Variants in SPIRE1 observed in about 807,000 individuals in gnomAD.
SPIRE1 encodes the protein protein spire homolog 1.
SPIRE1 carries 40 observed loss-of-function variants against 94.1 expected under a neutral mutation model. The observed-to-expected ratio is 0.43, with a 90% CI of 0.33 to 0.55. The LOEUF is 0.55. Ranked by LOEUF, SPIRE1 falls within the 20% of genes least tolerant of loss-of-function variation. The pLI is 0.06. For synonymous variants in SPIRE1, 376 were observed against 371.7 expected, an observed-to-expected ratio of 1.01 and a Z score of -0.13; for missense variants, 838 against 975.2, an observed-to-expected ratio of 0.86 and a Z score of 1.87.
At chr18:12,597,144 T>C (rs1360686568) in intron 2 of SPIRE1, among the ~76,000 whole-genome samples, 3 of 145,398 alleles carry the variant, frequency 2.1e-5, no homozygotes, top group Non-Finnish European at 4.5e-5. Context: ...AACTTCCCTC[T>C]AGTGTCTCTT....
chr18:12,549,130 A>G (rs1186742866), intron 2 of SPIRE1, among the ~76,000 whole-genome samples: 2 of 152,182 alleles, frequency 1.3e-5, no homozygotes, highest in Admixed American at 1.3e-4. Flanking sequence ...GCTTAGGGCA[A>G]GGATTTTAAC....
intron 1 of SPIRE1, among the ~76,000 whole-genome samples, chr18:12,651,321 C>T (rs545713839): frequency 3.9e-5 from 6 of 152,262 alleles, no homozygotes; most frequent in Non-Finnish European, 7.4e-5. Context: ...ATATTCCTTT[C>T]CTTTAATGAT....
At chr18:12,562,581 G>T (rs529633477) in intron 2 of SPIRE1, among the ~76,000 whole-genome samples, 3 of 151,818 alleles carry the variant, frequency 2.0e-5, no homozygotes, top group African/African-American at 7.2e-5. Flanking sequence ...GTAGTCTGCT[G>T]CACCCATCAA....
chr18:12,651,402 T>C (rs1383468382), intron 1 of SPIRE1, among the ~76,000 whole-genome samples: 2 of 151,956 alleles, frequency 1.3e-5, no homozygotes, highest in African/African-American at 4.8e-5. Flanking sequence ...TTTTGCTGGG[T>C]GCGGTGGCTC....
chr18:12,641,188 T>C (rs931616604), intron 1 of SPIRE1, among the ~76,000 whole-genome samples: 1 of 152,148 alleles, frequency 6.6e-6, no homozygotes, highest in Non-Finnish European at 1.5e-5. Flanking sequence ...TGACCAAAAC[T>C]GATCAACAAC....
intron 2 of SPIRE1, among the ~76,000 whole-genome samples, chr18:12,631,347 A>C: frequency 6.6e-6 from 1 of 151,958 alleles, no homozygotes; most frequent in South Asian, 2.1e-4. Context: ...AGGAAAAAAA[A>C]ACTACATTAA....
intron 2 of SPIRE1, among the ~76,000 whole-genome samples, chr18:12,597,396 G>A (rs192141976): frequency 1.2e-4 from 19 of 152,178 alleles, no homozygotes; most frequent in Non-Finnish European, 2.1e-4. Context: ...GGAGAGGGGC[G>A]TTACTTTATT....
intron 2 of SPIRE1, among the ~76,000 whole-genome samples, chr18:12,624,831 C>CAA (rs71371282): frequency 0.36 from 47,926 of 132,498 alleles, 9,209 homozygotes; most frequent in East Asian, 0.59. Flanking sequence ...GACTCCATCT[C>CAA]AAAAAAAAAA....
intron 2 of SPIRE1, among the ~76,000 whole-genome samples, chr18:12,557,018 C>T (rs771459193): frequency 6.6e-5 from 10 of 152,316 alleles, no homozygotes; most frequent in Non-Finnish European, 1.2e-4. Flanking sequence ...GGTGCGTTTA[C>T]AAACCTTGAG....
chr18:12,492,526 T>A (rs995090841), intron 8 of SPIRE1, among the ~76,000 whole-genome samples: 3 of 152,206 alleles, frequency 2.0e-5, no homozygotes, highest in Non-Finnish European at 2.9e-5. Flanking sequence ...CATGCTTTCA[T>A]GACATAATAT....
At chr18:12,462,069 A>G (rs896447083) in intron 12 of SPIRE1, among the ~76,000 whole-genome samples, 2 of 152,220 alleles carry the variant, frequency 1.3e-5, no homozygotes, top group African/African-American at 4.8e-5. Flanking sequence ...TTGGTAAGTC[A>G]CTGACAAGGC....
intron 3 of SPIRE1, 65 bp downstream of exon 3, chr18:12,546,609 G>A (rs1333183992): frequency 3.3e-6 from 4 of 1,228,070 alleles, no homozygotes; most frequent in South Asian, 1.3e-5. Context: ...TCCAGGGGGG[G>A]AAAAAAAAGA....
chr18:12,457,730 A>AT (rs2031581962), intron 12 of SPIRE1, among the ~76,000 whole-genome samples: 1 of 150,384 alleles, frequency 6.6e-6, no homozygotes, highest in East Asian at 1.9e-4. Context: ...TTCTGGCTAT[A>AT]TTTTACCATT....
Position 12,657,761 on chromosome 18 carries a change from AGCCCCCGGCCGCGCCGCCGGCT to A in SPIRE1, c.84_105del (p.Ala29ProfsTer5). ...TCCTCCAGGCTCAGCGCGTCCCGGGAGCCCCCGGCCGCGCCGCCGGCTGCCCCGGGCTCCCGCGGCCCCTCGC... is the reference window on the plus strand; with the variant it reads ...TCCTCCAGGCTCAGCGCGTCCCGGGAGCCCCGGGCTCCCGCGGCCCCTCGC... On this transcript the variant is annotated frameshift_variant, in exon 1 of 17. Coordinates refer to ENST00000409402, the MANE Select transcript of SPIRE1 (RefSeq NM_001128626.2). LOFTEE classifies it high-confidence loss of function. 1 of 1,344,720 alleles carries A rather than the reference AGCCCCCGGCCGCGCCGCCGGCT, an allele frequency of 7.4e-7. No individual in the cohort carries two copies. The highest frequency in any genetic ancestry group is 1.7e-5 in the South Asian group (1 of 57,598). 83.3% of individuals were successfully genotyped at this position (1,344,720 alleles called of 1,614,324 possible). A position where few individuals can be genotyped will look rare whatever the true frequency, so the allele number is the denominator to read the frequency against.
At chr18:12,653,421 T>C (rs941920994) in intron 1 of SPIRE1, 1 of 152,198 alleles carries the variant, frequency 6.6e-6, no homozygotes, top group Non-Finnish European at 1.5e-5. Context: ...ACATATATTA[T>C]CCTCACTTAT....
In SPIRE1 at chr18:12,658,087, G is replaced by A. The variant is rs1020718966; in HGVS notation, c.-221C>T. 5.0e-6 allele frequency: 5 copies of A among 991,324 alleles called. No individual in the cohort carries two copies. In the South Asian group the frequency reaches 1.4e-4, roughly 27 times the overall value. 61.4% of individuals were successfully genotyped at this position (991,324 alleles called of 1,614,324 possible). A position where few individuals can be genotyped will look rare whatever the true frequency, so the allele number is the denominator to read the frequency against. On this transcript the variant is annotated 5_prime_UTR_variant, in exon 1 of 17. Transcript: ENST00000409402. ...AGTCCCGGTCAGACAGCCGCCGGCC[G>A]GTAGCGACGCGATGGCGTCCGGCGC...
At chr18:12,459,162 A>G (rs2143563778) in intron 12 of SPIRE1, among the ~76,000 whole-genome samples, 1 of 152,390 alleles carries the variant, frequency 6.6e-6, no homozygotes, top group South Asian at 2.1e-4. Flanking sequence ...CAGTAATATA[A>G]TGCAGAATTA....
chr18:12,476,541 C>CAAA (rs558968043), intron 10 of SPIRE1, among the ~76,000 whole-genome samples: 9 of 46,836 alleles, frequency 1.9e-4, no homozygotes, highest in African/African-American at 2.3e-4. Context: ...ACTCTGTCTC[C>CAAA]AAAAAAAAAA....
chr18:12,496,054 T>C lies in SPIRE1; in HGVS notation c.1021A>G (p.Ile341Val). The C allele has an allele frequency of 6.2e-7, 1 of 1,613,876 alleles. No individual in the cohort carries two copies. Among genetic ancestry groups the C allele is most frequent in the Non-Finnish European group, 8.5e-7 (1 of 1,179,800 alleles). ...GGTCTGGATCTGATGAAGTCGAGGA[T>C]GATTTCATGAGCACTCTTTTTTAAC... ...PRLKKSAHEI[I>V]LDFIRSRPPL... Residue 341 changes from isoleucine to valine, a missense_variant, in exon 7 of 17, where the codon ATC becomes GTC. Physicochemically the swap from Ile to Val is conservative, Grantham distance 29. Around this residue, in one of 2 missense-constraint regions of SPIRE1, gnomAD observed 645 missense variants for 804.7 expected, o/e 0.80. Coordinates refer to ENST00000409402, the MANE Select transcript of SPIRE1 (RefSeq NM_001128626.2).
Sources: gnomAD v4.1 joint callset for allele counts (sites outside exome capture counted in the v4.1 genomes callset) on GRCh38, gnomAD v4.1.1 for gene constraint, gnomAD v4.1.1 regional missense constraint, MANE v1.5 for transcripts, NCBI Gene and HGNC (gene_info 2026-07-23, HGNC 2026-07-21) for gene names.